The following CRACD variants were observed in gnomAD, a reference collection of about 807,000 sequenced individuals.
CRACD encodes capping protein-inhibiting regulator of actin dynamics.
Under a neutral mutation model 106.8 loss-of-function variants are expected in CRACD, and 56 were observed. The observed-to-expected ratio is 0.52, with a 90% CI of 0.42 to 0.66. CRACD has a LOEUF of 0.66. Among genes scored for constraint, CRACD ranks in the 30% least tolerant of loss-of-function variants. CRACD has a pLI of 0.00. For missense variants in CRACD, 1,730 were observed against 1,623.2 expected, an observed-to-expected ratio of 1.07 and a Z score of -1.13; for synonymous variants, 754 against 670.8, an observed-to-expected ratio of 1.12 and a Z score of -1.92.
chr4:56,259,823 G>A (rs1741591511), intron 2 of CRACD, among the ~76,000 whole-genome samples: 1 of 152,204 alleles, frequency 6.6e-6, no homozygotes. Context: ...ATTACTAAGG[G>A]TAAGCTGCTG....
At chr4:56,231,154 T>G (rs1232586976) in intron 2 of CRACD, among the ~76,000 whole-genome samples, 2 of 152,208 alleles carry the variant, frequency 1.3e-5, no homozygotes, top group African/African-American at 4.8e-5. Flanking sequence ...GGCTATGTTC[T>G]TGTACATCAT....
At chr4:56,207,089 G>A (rs1036224600) in intron 2 of CRACD, among the ~76,000 whole-genome samples, 1 of 152,122 alleles carries the variant, frequency 6.6e-6, no homozygotes. Context: ...ATCAAAGAAT[G>A]AGCTAGATAA....
At chr4:56,303,388 A>T (rs1744483880) in intron 4 of CRACD, among the ~76,000 whole-genome samples, 1 of 151,148 alleles carries the variant, frequency 6.6e-6, no homozygotes, top group Non-Finnish European at 1.5e-5. Flanking sequence ...AGGGATATAT[A>T]TTTTTTTTAA....
rs1396993820 is a variant in CRACD, at chr4:56,327,795, T to C, written c.3693T>C (p.Ile1231=). Residue 1231 remains isoleucine (I), a synonymous_variant, in exon 11 of 11, where the codon ATT becomes ATC. Coordinates refer to ENST00000682029, the MANE Select transcript of CRACD (RefSeq NM_001393381.1). The part of the protein sequence containing the change: ...KAKAWSDCPQ[I]IK The stretch of plus-strand genomic sequence containing the variant: ...AGGCTTGGAGCGACTGTCCACAGAT[T>C]ATTAAGTAAAGAGTGACTCTCACCC... The C allele has an allele frequency of 3.7e-6, 6 of 1,613,982 alleles. No homozygotes were observed. The highest frequency in any genetic ancestry group is 4.2e-6 in the Non-Finnish European group (5 of 1,179,926).
intron 1 of CRACD, among the ~76,000 whole-genome samples, chr4:56,131,550 C>A (rs1734825433): frequency 6.6e-6 from 1 of 152,116 alleles, no homozygotes; most frequent in African/African-American, 2.4e-5. Context: ...TAGTATGGAG[C>A]TTTCTATAGG....
At chr4:56,286,263 C>T (rs989523947) in intron 3 of CRACD, among the ~76,000 whole-genome samples, 9 of 151,750 alleles carry the variant, frequency 5.9e-5, no homozygotes, top group African/African-American at 4.8e-5. Context: ...TGTGGTGGCA[C>T]GCGCCTGTAA....
chr4:56,101,913 A>G (rs987902916), intron 1 of CRACD, among the ~76,000 whole-genome samples: 2 of 152,090 alleles, frequency 1.3e-5, no homozygotes, highest in African/African-American at 2.4e-5. Context: ...TTGTTGCTAA[A>G]TATATTGCAC....
intron 1 of CRACD, among the ~76,000 whole-genome samples, chr4:56,057,746 C>A (rs558440342): frequency 6.0e-5 from 9 of 149,894 alleles, no homozygotes; most frequent in Non-Finnish European, 1.2e-4. Context: ...GCCTCAGCCT[C>A]CTGAGTAGCT....
chr4:56,108,264 G>A (rs1329988886), intron 1 of CRACD, among the ~76,000 whole-genome samples: 6 of 152,084 alleles, frequency 3.9e-5, no homozygotes, highest in African/African-American at 9.7e-5. Context: ...CACCACCACC[G>A]GTATAATCCT....
chr4:56,270,911 G>A (rs1269748176), intron 2 of CRACD, among the ~76,000 whole-genome samples: 8 of 138,988 alleles, frequency 5.8e-5, no homozygotes, highest in Admixed American at 1.6e-4. Flanking sequence ...GTGAAGCACC[G>A]TCTCTACTAA....
chr4:56,275,086 C>T (rs1430351636), intron 3 of CRACD, among the ~76,000 whole-genome samples: 2 of 152,216 alleles, frequency 1.3e-5, no homozygotes, highest in East Asian at 1.9e-4. Context: ...ATGATGAGAA[C>T]TCATGACACA....
chr4:56,302,747 T>G (rs1466762128), intron 4 of CRACD, among the ~76,000 whole-genome samples: 1 of 152,214 alleles, frequency 6.6e-6, no homozygotes, highest in Non-Finnish European at 1.5e-5. Flanking sequence ...CTTTGCTCTT[T>G]AGACATAGTC....
intron 1 of CRACD, among the ~76,000 whole-genome samples, chr4:56,119,530 T>C (rs375512800): frequency 2.7e-4 from 41 of 151,914 alleles, no homozygotes; most frequent in East Asian, 1.6e-3. Context: ...AGATGATGTC[T>C]CGTCATGTTT....
intron 1 of CRACD, among the ~76,000 whole-genome samples, chr4:56,132,015 A>C (rs1426006746): frequency 6.6e-6 from 1 of 152,170 alleles, no homozygotes; most frequent in Non-Finnish European, 1.5e-5. Context: ...GTTCTACATG[A>C]TAATAGTGAA....
intron 1 of CRACD, among the ~76,000 whole-genome samples, chr4:56,147,641 T>G (rs1473797597): frequency 6.6e-6 from 1 of 152,228 alleles, no homozygotes; most frequent in Non-Finnish European, 1.5e-5. Flanking sequence ...TTTCATTTCT[T>G]TTGAGTGTAT....
chr4:56,246,430 G>C (rs754975328), intron 2 of CRACD: 1 of 152,160 alleles, frequency 6.6e-6, no homozygotes, highest in Non-Finnish European at 1.5e-5. Flanking sequence ...TTCACACAGG[G>C]GTTCTCAGAG....
intron 7 of CRACD, 145 bp from the exon 8 acceptor site, chr4:56,313,895 G>A: frequency 9.2e-7 from 1 of 1,091,754 alleles, no homozygotes; most frequent in African/African-American, 1.6e-5. Flanking sequence ...ACCGATGCCT[G>A]AGTTTAGCTA....
At chr4:56,304,579 A>G (rs1426903190) in intron 4 of CRACD, among the ~76,000 whole-genome samples, 1 of 151,932 alleles carries the variant, frequency 6.6e-6, no homozygotes, top group Non-Finnish European at 1.5e-5. Flanking sequence ...GGAGTTCCCG[A>G]CCAGCCTGAG....
chr4:56,060,896 A>T (rs1016176926), intron 1 of CRACD, among the ~76,000 whole-genome samples: 6 of 152,170 alleles, frequency 3.9e-5, no homozygotes, highest in African/African-American at 1.4e-4. Context: ...ATGGACCTTC[A>T]CCAGACATCA....
Sources: gnomAD v4.1 joint callset for allele counts (sites outside exome capture counted in the v4.1 genomes callset) on GRCh38, gnomAD v4.1.1 for gene constraint, MANE v1.5 for transcripts, NCBI Gene and HGNC (gene_info 2026-07-23, HGNC 2026-07-21) for gene names.